Variants in ATRX observed in about 807,000 individuals in gnomAD.
ATRX encodes chromatin remodeler ATRX.
ATRX carries 12 observed loss-of-function variants against 172.6 expected under a neutral mutation model. The observed-to-expected ratio is 0.07, with a 90% CI of 0.04 to 0.11. The LOEUF is 0.11. ATRX is among the 10% of genes least tolerant of loss of function. ATRX has a pLI of 1.00. For synonymous variants in ATRX, 674 were observed against 594.7 expected, an observed-to-expected ratio of 1.13 and a Z score of -1.94; for missense variants, 1,368 against 1,767.4, an observed-to-expected ratio of 0.77 and a Z score of 4.05.
chrX:77,577,547 A>G (rs782334481), intron 27 of ATRX, among the ~76,000 whole-genome samples: 32 of 111,185 alleles, frequency 2.9e-4, no homozygotes, highest in Non-Finnish European at 4.7e-4. Context: ...TATTTTTCCC[A>G]TATGGTAGGT....
chrX:77,683,898 T>G lies in ATRX; in HGVS notation c.1358A>C (p.Glu453Ala). The G allele has an allele frequency of 1.7e-6, 2 of 1,209,840 alleles. No homozygotes were observed. The highest frequency in any genetic ancestry group is 2.2e-6 in the Non-Finnish European group (2 of 893,850). ...TTCTGACTTTGAAATATCCTTCTTT[T>G]CCAAAGCACAAGGTTTTTCTCCTTT... ...ARKGEKPCAL[E>A]KKDISKSEAK... Residue 453 changes from glutamate to alanine, a missense_variant, in exon 9 of 35, where the codon GAA (glutamate) becomes GCA (alanine). Transcript: ENST00000373344.
chrX:77,735,834 A>AGAT (rs2074534641), intron 1 of ATRX, among the ~76,000 whole-genome samples: 1 of 96,607 alleles, frequency 1.0e-5, no homozygotes, highest in African/African-American at 4.2e-5. Flanking sequence ...ATAAATAAAT[A>AGAT]AAAATAAATA....
intron 12 of ATRX, among the ~76,000 whole-genome samples, chrX:77,660,332 G>A (rs936915444): frequency 1.1e-4 from 12 of 111,134 alleles, no homozygotes; most frequent in African/African-American, 3.9e-4. Context: ...TTGGGAGGCC[G>A]AGGCGGGTGG....
intron 30 of ATRX, among the ~76,000 whole-genome samples, chrX:77,531,653 C>T (rs1281965631): frequency 3.6e-5 from 4 of 111,451 alleles, no homozygotes; most frequent in Admixed American, 1.9e-4. Context: ...GAGCAATATA[C>T]GACAAACCCA....
chrX:77,683,327 T>A lies in ATRX; in HGVS notation c.1929A>T (p.Glu643Asp). The A allele has an allele frequency of 8.3e-7, 1 of 1,211,227 alleles. No homozygotes were observed. Among genetic ancestry groups the A allele is most frequent in the Non-Finnish European group, 1.1e-6 (1 of 895,244 alleles). The change falls in exon 9 of 35, where the codon GAA becomes GAT. Residue 643 changes from glutamate (E) to aspartate (D), a missense_variant. Glu to Asp is a conservative substitution (Grantham distance 45). This residue lies in a region of ATRX where 843 missense variants were observed against 643.1 expected (regional missense o/e 1.31). Transcript: ENST00000373344. The stretch of plus-strand genomic sequence containing the variant: ...CAGATTCCTCTAAAAGTAATGAAAC[T>A]TCATTTTCAACCAAATGCTCATTAT... ...NSDNEHLVEN[E>D]VSLLLEESDL...
Position 77,758,378 on chromosome X carries a change from G to A in ATRX, c.20+27604C>T, listed in dbSNP as rs782691946. 3.8e-5 allele frequency among the ~76,000 whole-genome samples: 4 copies of A among 104,486 alleles called. 1 individual carries two copies. Among genetic ancestry groups the A allele is most frequent in the Middle Eastern group, 0.01 (2 of 196 alleles). 90.7% of individuals were successfully genotyped at this position (104,486 alleles called of 115,157 possible). ...GCACTCTAGCCTGGGCAACAAGAGCGAAACTCCATCTCAAGAAAAAAAAAA... is the reference window on the plus strand; with the variant it reads ...GCACTCTAGCCTGGGCAACAAGAGCAAAACTCCATCTCAAGAAAAAAAAAA... On this transcript the variant is annotated intron_variant, in intron 1 of 34. Transcript: ENST00000373344.
Position 77,786,067 on chromosome X carries a change from C to T in ATRX, c.-66G>A, listed in dbSNP as rs978456058. 8.9e-7 allele frequency: 1 copy of T among 1,127,935 alleles called. No individual in the cohort carries two copies. The allele number at this position is 1,127,935 out of a possible 1,213,427, so 93.0% of individuals were successfully genotyped here. On this transcript the variant is annotated 5_prime_UTR_variant, in exon 1 of 35. Transcript: ENST00000373344. ...GCGCCGATCTGCGCTCCCCCGCGCCCGGTTACGATAGAAATGCACTGGAGT... is the reference window on the plus strand; with the variant it reads ...GCGCCGATCTGCGCTCCCCCGCGCCTGGTTACGATAGAAATGCACTGGAGT...
At chrX:77,530,997 T>C (rs1235603437) in intron 30 of ATRX, among the ~76,000 whole-genome samples, 1 of 112,145 alleles carries the variant, frequency 8.9e-6, no homozygotes, top group Admixed American at 9.4e-5. Context: ...CAGAGAATAA[T>C]ATAAATACCT....
chrX:77,582,961 T>C (rs1179031158), intron 27 of ATRX, among the ~76,000 whole-genome samples: 1 of 111,729 alleles, frequency 9.0e-6, no homozygotes, highest in Non-Finnish European at 1.9e-5. Context: ...TTCTGAAAAG[T>C]AGAGAACAGA....
intron 15 of ATRX, among the ~76,000 whole-genome samples, chrX:77,646,880 G>A (rs1023512687): frequency 9.3e-6 from 1 of 107,588 alleles, no homozygotes; most frequent in Non-Finnish European, 1.9e-5. Context: ...CTATGATCAC[G>A]TCACTGCACT....
chrX:77,543,988 G>C (rs1435578648), intron 30 of ATRX, among the ~76,000 whole-genome samples: 1 of 109,281 alleles, frequency 9.2e-6, no homozygotes, highest in Non-Finnish European at 1.9e-5. Flanking sequence ...GACACAAGCA[G>C]GGTAATCAAA....
chrX:77,557,352 C>G (rs1165040558), intron 30 of ATRX, 99 bp downstream of exon 30: 2 of 819,273 alleles, frequency 2.4e-6, no homozygotes, highest in Non-Finnish European at 3.6e-6. Flanking sequence ...TTGAAAAATT[C>G]TGAAATATAG....
chrX:77,573,695 G>A (rs2065500447), intron 28 of ATRX, among the ~76,000 whole-genome samples: 1 of 111,385 alleles, frequency 9.0e-6, no homozygotes, highest in Non-Finnish European at 1.9e-5. Flanking sequence ...AAGGAAACTG[G>A]AACTCTCATA....
chrX:77,590,362 G>A (rs2066191030), intron 26 of ATRX, among the ~76,000 whole-genome samples: 1 of 110,930 alleles, frequency 9.0e-6, no homozygotes, highest in African/African-American at 3.3e-5. Context: ...TGTAATCCCA[G>A]CATTTTGGGA....
chrX:77,754,375 G>A (rs1430742437), intron 1 of ATRX, among the ~76,000 whole-genome samples: 1 of 111,654 alleles, frequency 9.0e-6, no homozygotes, highest in African/African-American at 3.3e-5. Flanking sequence ...ATTTGATCCT[G>A]TCATTATGAT....
intron 30 of ATRX, among the ~76,000 whole-genome samples, chrX:77,549,771 A>G (rs994035888): frequency 1.4e-4 from 16 of 111,997 alleles, no homozygotes; most frequent in Non-Finnish European, 2.4e-4. Context: ...CGTCAAGGCT[A>G]TTATATTTCC....
At chrX:77,574,401 G>A (rs1557069270) in intron 27 of ATRX, 43 bp from the exon 28 acceptor site, 15 of 965,631 alleles carry the variant, frequency 1.6e-5, no homozygotes, top group Admixed American at 4.4e-5. Flanking sequence ...TTGATATATC[G>A]CTCTGCTTAC....
chrX:77,551,229 T>C (rs1173481394), intron 30 of ATRX, among the ~76,000 whole-genome samples: 4 of 111,790 alleles, frequency 3.6e-5, no homozygotes, highest in East Asian at 2.8e-4. Context: ...TACAAGGCTA[T>C]AGTAACCAAA....
chrX:77,580,662 AG>A (rs1306226163), intron 27 of ATRX, among the ~76,000 whole-genome samples: 29 of 112,448 alleles, frequency 2.6e-4, no homozygotes, highest in Non-Finnish European at 4.1e-4. Flanking sequence ...GAAAGGCTAA[AG>A]GAAGTAATTA....
Sources: allele counts gnomAD v4.1 joint callset (sites outside exome capture counted in the v4.1 genomes callset), GRCh38; gene constraint gnomAD v4.1.1; regional missense constraint gnomAD v4.1.1; transcripts MANE v1.5; gene names NCBI Gene and HGNC (gene_info 2026-07-23, HGNC 2026-07-21).